Variants in SPOCK3 observed in about 807,000 individuals in gnomAD.
SPOCK3 encodes testican-3.
A neutral mutation model predicts 56.6 loss-of-function variants in SPOCK3; 30 were observed. The observed-to-expected ratio is 0.53, with a 90% CI of 0.40 to 0.72. SPOCK3 has a LOEUF of 0.72. SPOCK3 is among the 30% of genes least tolerant of loss of function. The pLI is 0.00. For missense variants in SPOCK3, 527 were observed against 530.0 expected, an observed-to-expected ratio of 0.99 and a Z score of 0.06; for synonymous variants, 196 against 183.3, an observed-to-expected ratio of 1.07 and a Z score of -0.56.
intron 7 of SPOCK3, 145 bp downstream of exon 7, chr4:166,792,025 G>A (rs1311426694): frequency 1.1e-6 from 1 of 886,698 alleles, no homozygotes; most frequent in Non-Finnish European, 1.7e-6. Flanking sequence ...TAATACAGGT[G>A]TGCTTGGAAG....
At chr4:166,815,761 C>G (rs1482235216) in intron 6 of SPOCK3, among the ~76,000 whole-genome samples, 1 of 152,026 alleles carries the variant, frequency 6.6e-6, no homozygotes, top group East Asian at 1.9e-4. Context: ...GGCTACAGAG[C>G]AAGACCTTCT....
At chr4:167,037,696 C>T (rs1024261959) in intron 3 of SPOCK3, among the ~76,000 whole-genome samples, 2 of 152,076 alleles carry the variant, frequency 1.3e-5, no homozygotes, top group Non-Finnish European at 2.9e-5. Context: ...GGAAGAGAAA[C>T]AAAGAAGTCA....
At chr4:167,085,174 GA>G (rs59113311) in intron 2 of SPOCK3, among the ~76,000 whole-genome samples, 13,031 of 97,212 alleles carry the variant, frequency 0.13, 1,039 homozygotes, top group African/African-American at 0.3. Context: ...GTTGAATCTA[GA>G]AAAAAAAAAA....
intron 6 of SPOCK3, among the ~76,000 whole-genome samples, chr4:166,870,763 T>C (rs1191007471): frequency 6.6e-6 from 1 of 152,136 alleles, no homozygotes; most frequent in Non-Finnish European, 1.5e-5. Context: ...AGTTTCCTGA[T>C]ATAGTTTGAC....
chr4:166,770,562 G>GA (rs894439650), intron 7 of SPOCK3, among the ~76,000 whole-genome samples: 4 of 151,960 alleles, frequency 2.6e-5, no homozygotes, highest in African/African-American at 9.7e-5. Flanking sequence ...TGTGAATCGT[G>GA]AAAAAATATA....
chr4:166,956,725 C>T (rs1743525393), intron 4 of SPOCK3, among the ~76,000 whole-genome samples: 1 of 151,884 alleles, frequency 6.6e-6, no homozygotes, highest in Admixed American at 6.6e-5. Flanking sequence ...CATCTAAGCC[C>T]ACTCCCTCTC....
intron 7 of SPOCK3, among the ~76,000 whole-genome samples, chr4:166,766,084 TG>T (rs1298663173): frequency 6.6e-6 from 1 of 152,326 alleles, no homozygotes; most frequent in East Asian, 1.9e-4. Flanking sequence ...AAGGGGATTT[TG>T]GGCTGAGATG....
At chr4:166,918,593 C>A (rs1738148020) in intron 4 of SPOCK3, 1 of 152,046 alleles carries the variant, frequency 6.6e-6, no homozygotes, top group South Asian at 2.1e-4. Context: ...ATATGAATAA[C>A]AACCTGATTT....
At chr4:166,902,103 C>T (rs10025945) in intron 5 of SPOCK3, among the ~76,000 whole-genome samples, 64 of 152,038 alleles carry the variant, frequency 4.2e-4, no homozygotes, top group Non-Finnish European at 5.1e-4. Flanking sequence ...ATGTAGCAAA[C>T]GGACTTAGAA....
chr4:167,085,071 T>A (rs1758063018), intron 2 of SPOCK3, among the ~76,000 whole-genome samples: 1 of 151,846 alleles, frequency 6.6e-6, no homozygotes, highest in African/African-American at 2.4e-5. Context: ...AATAGTGATC[T>A]GGATAAAAAC....
rs1734505041 is a variant in SPOCK3, at chr4:166,889,189, T to C, written c.530A>G (p.Glu177Gly). The change falls in exon 6 of 11, where the codon GAA becomes GGA. Residue 177 changes from glutamate to glycine, a missense_variant. By Grantham distance (98) the Glu-to-Gly change is moderately conservative. Transcript: ENST00000357545. ...VLGKQISVKCEGHCPCPSDKP... is the reference protein window; with the variant it reads ...VLGKQISVKCGGHCPCPSDKP... Reference sequence around the variant, plus strand: ...ATCTGAAGGACATGGGCAATGTCCTTCACATTTGACTGAGATCTGTTTTCC... The same window carrying C: ...ATCTGAAGGACATGGGCAATGTCCTCCACATTTGACTGAGATCTGTTTTCC... 1.9e-6 allele frequency: 3 copies of C among 1,612,302 alleles called. No individual in the cohort carries two copies. The highest frequency in any genetic ancestry group is 1.7e-5 in the Admixed American group (1 of 59,880).
intron 6 of SPOCK3, among the ~76,000 whole-genome samples, chr4:166,800,228 T>C (rs1742435387): frequency 7.2e-6 from 1 of 139,200 alleles, no homozygotes; most frequent in Admixed American, 7.3e-5. Flanking sequence ...ACCTCATGAT[T>C]GTAAGGTCTT....
chr4:167,057,513 C>T lies in SPOCK3; in HGVS notation c.235+4979G>A, dbSNP rs1297526906. On this transcript the variant is annotated intron_variant, in intron 3 of 10. Coordinates refer to ENST00000357545, the MANE Select transcript of SPOCK3 (RefSeq NM_001040159.2). ...TGGCAAATTGGATAAAGAGTCAAGACCCATCAGTGTGCTGTATTCAGGAAA... is the reference window on the plus strand; with the variant it reads ...TGGCAAATTGGATAAAGAGTCAAGATCCATCAGTGTGCTGTATTCAGGAAA... 7.9e-4 allele frequency among the ~76,000 whole-genome samples: 120 copies of T among 151,890 alleles called. 2 individuals carry two copies. In the South Asian group the frequency reaches 0.024, roughly 30 times the overall value.
At chr4:167,195,105 C>T (rs1732818861) in intron 2 of SPOCK3, among the ~76,000 whole-genome samples, 1 of 152,096 alleles carries the variant, frequency 6.6e-6, no homozygotes, top group South Asian at 2.1e-4. Flanking sequence ...CATGAGTAAG[C>T]AGAGTTGCAG....
chr4:166,889,369 ACGT>A, intron 5 of SPOCK3, 125 bp from the exon 6 acceptor site: 4 of 621,148 alleles, frequency 6.4e-6, no homozygotes, highest in Non-Finnish European at 1.1e-5. Flanking sequence ...ACCAGGTAAT[ACGT>A]CTCCAATACT....
intron 7 of SPOCK3, among the ~76,000 whole-genome samples, chr4:166,775,987 C>A (rs911019282): frequency 6.6e-6 from 1 of 152,004 alleles, no homozygotes; most frequent in Non-Finnish European, 1.5e-5. Context: ...GTGCAAAGTG[C>A]CCCAAATGCT....
intron 5 of SPOCK3, among the ~76,000 whole-genome samples, chr4:166,897,869 G>C (rs965670359): frequency 6.6e-6 from 1 of 152,066 alleles, no homozygotes; most frequent in African/African-American, 2.4e-5. Flanking sequence ...GTAGTGAAAG[G>C]CTCAACCATA....
chr4:167,195,714 G>A (rs1010887810), intron 2 of SPOCK3, among the ~76,000 whole-genome samples: 3 of 152,144 alleles, frequency 2.0e-5, no homozygotes, highest in Admixed American at 1.3e-4. Context: ...AGGCTAAAAC[G>A]CATTGCAGAT....
At chr4:166,887,339 T>C (rs1399485061) in intron 6 of SPOCK3, among the ~76,000 whole-genome samples, 2 of 152,186 alleles carry the variant, frequency 1.3e-5, no homozygotes, top group African/African-American at 4.8e-5. Context: ...ACACTTACTA[T>C]GACCACATCT....
Sources: allele counts gnomAD v4.1 joint callset (sites outside exome capture counted in the v4.1 genomes callset), GRCh38; gene constraint gnomAD v4.1.1; transcripts MANE v1.5; gene names NCBI Gene and HGNC (gene_info 2026-07-23, HGNC 2026-07-21).